Variants in RIMKLA observed in about 807,000 individuals in gnomAD.
The protein encoded by RIMKLA is N-acetylaspartylglutamate synthase A.
Under a neutral mutation model 32.7 loss-of-function variants are expected in RIMKLA, and 14 were observed. The observed-to-expected ratio is 0.43, with a 90% CI of 0.28 to 0.67. The LOEUF (loss-of-function observed/expected upper bound fraction) is 0.67. Among genes scored for constraint, RIMKLA ranks in the 30% least tolerant of loss-of-function variants. The pLI is 0.18. For missense variants in RIMKLA, 410 were observed against 519.0 expected (o/e 0.79, Z 2.04); for synonymous variants, 176 against 204.1 (o/e 0.86, Z 1.18).
At chr1:42,411,217 C>A (rs1227216152) in intron 4 of RIMKLA, among the ~76,000 whole-genome samples, 1 of 151,814 alleles carries the variant, frequency 6.6e-6, no homozygotes, top group Non-Finnish European at 1.5e-5. Flanking sequence ...CCTGTAGTCC[C>A]AGCTGAACTC....
At chr1:42,398,038 T>C (rs529372874) in intron 1 of RIMKLA, among the ~76,000 whole-genome samples, 5 of 152,148 alleles carry the variant, frequency 3.3e-5, no homozygotes, top group Middle Eastern at 3.4e-3. Context: ...CCTAAGGGAG[T>C]GGAAAAGTAT....
At chr1:42,407,278 G>A (rs908000788) in intron 3 of RIMKLA, among the ~76,000 whole-genome samples, 16 of 152,042 alleles carry the variant, frequency 1.1e-4, no homozygotes, top group African/African-American at 3.9e-4. Context: ...ATTCCCATAG[G>A]TTGTCTTTTC....
rs1049309311 is a variant in RIMKLA at position 42,419,727 on chromosome 1, A to G, written c.*4753A>G. On this transcript the variant is annotated 3_prime_UTR_variant, in exon 5 of 5. Coordinates refer to ENST00000431473, the MANE Select transcript of RIMKLA (RefSeq NM_173642.4). ...AGGTGAGAGCCCCAAAGGCATGTAT[A>G]TTTCCATGATGCAAGCTGGCTCATG... 1.3e-5 allele frequency: 2 copies of G among 152,200 alleles called. No individual in the cohort carries two copies. Among genetic ancestry groups the G allele is most frequent in the African/African-American group, 4.8e-5 (2 of 41,440 alleles). 9.4% of individuals were successfully genotyped at this position (152,200 alleles called of 1,614,324 possible).
At chr1:42,389,107 A>G (rs1241472560) in intron 1 of RIMKLA, among the ~76,000 whole-genome samples, 2 of 152,204 alleles carry the variant, frequency 1.3e-5, no homozygotes, top group African/African-American at 4.8e-5. Context: ...GAGGACTCCA[A>G]AGTTTTTGGC....
In RIMKLA at chr1:42,380,842, C is replaced by G. The variant is rs551219895; in HGVS notation, c.-93C>G. The G allele has an allele frequency of 1.2e-6, 1 of 810,178 alleles. No homozygotes were observed. The highest frequency in any genetic ancestry group is 1.6e-6 in the Non-Finnish European group (1 of 640,930). 50.2% of individuals were successfully genotyped at this position (810,178 alleles called of 1,614,324 possible). ...GAGCGGAGCCGTGGCGCGCTCGCCC[C>G]GGACGCCGGCCGCCCCTCCGCTCGC... On this transcript the variant is annotated 5_prime_UTR_variant, in exon 1 of 5. Transcript: ENST00000431473.
intron 2 of RIMKLA, among the ~76,000 whole-genome samples, chr1:42,404,250 A>G (rs1405229177): frequency 6.6e-6 from 1 of 152,208 alleles, no homozygotes; most frequent in East Asian, 1.9e-4. Flanking sequence ...AGGGAAAGGT[A>G]TCTACCTATA....
chr1:42,406,962 A>G (rs1360527529), intron 3 of RIMKLA, among the ~76,000 whole-genome samples: 2 of 151,938 alleles, frequency 1.3e-5, no homozygotes, highest in East Asian at 1.9e-4. Flanking sequence ...CTGGACTGCA[A>G]TGGTGCGATC....
In RIMKLA at chr1:42,387,212, GC is replaced by G. The variant is rs1466892037; in HGVS notation, c.163+6117del. Among the ~76,000 whole-genome samples the G allele has an allele frequency of 2.6e-5, 4 of 152,238 alleles. No homozygotes were observed. The East Asian group carries it at 7.7e-4, about 29-fold the overall frequency. ...GCCGAGATTGAGCCACTGCCCTCCA[GC>G]CTGGGTGATACAGTGAGACTGTTTA... On this transcript the variant is annotated intron_variant, in intron 1 of 4. Transcript: ENST00000431473.
intron 3 of RIMKLA, among the ~76,000 whole-genome samples, chr1:42,407,010 A>C (rs901948233): frequency 6.6e-6 from 1 of 151,384 alleles, no homozygotes; most frequent in African/African-American, 2.4e-5. Context: ...GGCTGAAACG[A>C]TCCTCCTGCC....
Position 42,402,670 on chromosome 1 carries a change from A to C in RIMKLA, c.395-1841A>C, listed in dbSNP as rs1266271170. On this transcript the variant is annotated intron_variant, in intron 2 of 4. Coordinates refer to ENST00000431473, the MANE Select transcript of RIMKLA (RefSeq NM_173642.4). ...CAGTGGCATGATTGTGGCTCACTGC[A>C]GCCTCGACCTCCTGGGCTCAACTGA... Among the ~76,000 whole-genome samples, 6 of 150,184 alleles carry C rather than the reference A, an allele frequency of 4.0e-5. No homozygotes were observed. In the South Asian group the frequency reaches 1.3e-3, roughly 31 times the overall value.
rs1643289220 is a variant in RIMKLA at position 42,420,795 on chromosome 1, G to A, written c.*5821G>A. 6.6e-6 allele frequency: 1 copy of A among 152,304 alleles called. No individual in the cohort carries two copies. Among genetic ancestry groups the A allele is most frequent in the African/African-American group, 2.4e-5 (1 of 41,454 alleles). 9.4% of individuals were successfully genotyped at this position (152,304 alleles called of 1,614,324 possible). On this transcript the variant is annotated 3_prime_UTR_variant, in exon 5 of 5. Coordinates refer to ENST00000431473, the MANE Select transcript of RIMKLA (RefSeq NM_173642.4). Reference sequence around the variant, plus strand: ...ATGGTACTAGTCTGAGTCAGATCCAGTTCAAATCCAGGTAACTTAAAGCTT... The same window carrying A: ...ATGGTACTAGTCTGAGTCAGATCCAATTCAAATCCAGGTAACTTAAAGCTT...
At position 42,404,554 on chromosome 1, in the gene RIMKLA, C is replaced by G; in HGVS notation, c.438C>G (p.Pro146=). 1 of 1,613,774 alleles carries G rather than the reference C, an allele frequency of 6.2e-7. No individual in the cohort carries two copies. ...CAAAAATGATTGATGAAGCTGAGCC[C>G]CTGGGCTACCCAGTCGTGGTGAAGA... ...DFSKMIDEAE[P]LGYPVVVKST... is the part of the protein sequence containing the mutation. Residue 146 remains proline (P), a synonymous_variant, in exon 3 of 5, where the codon CCC becomes CCG. Transcript: ENST00000431473.
At chr1:42,401,780 A>ATG (rs1643099134) in intron 2 of RIMKLA, among the ~76,000 whole-genome samples, 1 of 152,218 alleles carries the variant, frequency 6.6e-6, no homozygotes, top group East Asian at 1.9e-4. Context: ...TAGTTAAGGG[A>ATG]TGATGCAGGG....
At chr1:42,401,945 G>C (rs1249974808) in intron 2 of RIMKLA, among the ~76,000 whole-genome samples, 4 of 152,184 alleles carry the variant, frequency 2.6e-5, no homozygotes, top group African/African-American at 9.7e-5. Flanking sequence ...CAGTGGGCCA[G>C]GGATGGATTA....
intron 1 of RIMKLA, among the ~76,000 whole-genome samples, chr1:42,389,692 T>C (rs1642984017): frequency 6.6e-6 from 1 of 151,894 alleles, no homozygotes; most frequent in Admixed American, 6.6e-5. Flanking sequence ...TGCGCGCCCA[T>C]AATCCCAGCT....
In RIMKLA at chr1:42,380,947, C is replaced by G. The variant is rs1642881405; in HGVS notation, c.13C>G (p.Leu5Val). The G allele has an allele frequency of 6.9e-7, 1 of 1,442,934 alleles. No individual in the cohort carries two copies. The highest frequency in any genetic ancestry group is 1.5e-5 in the African/African-American group (1 of 67,864). 89.4% of individuals were successfully genotyped at this position (1,442,934 alleles called of 1,614,324 possible). A position where few individuals can be genotyped will look rare whatever the true frequency, so the allele number is the denominator to read the frequency against. Residue 5 changes from leucine (L) to valine (V), a missense_variant, in exon 1 of 5, where the codon CTC becomes GTC. By Grantham distance (32) the Leu-to-Val change is conservative (BLOSUM62 1). Coordinates refer to ENST00000431473, the MANE Select transcript of RIMKLA (RefSeq NM_173642.4). The part of the protein sequence containing the change: MCSQ[L>V]WFLTDRRIRE... ...CGCCCTGGCCGCCATGTGCTCCCAG[C>G]TCTGGTTCCTGACGGACCGGCGCAT...
At chr1:42,403,368 A>AAGTACACTAGTTTGGTGCCATTGAAT (rs1370186945) in intron 2 of RIMKLA, among the ~76,000 whole-genome samples, 2 of 152,174 alleles carry the variant, frequency 1.3e-5, no homozygotes, top group Admixed American at 6.5e-5. Context: ...CCAAACTAGA[A>AAGTACACTAGTTTGGTGCCATTGAAT]AGTACACTAG....
At chr1:42,390,623 T>C (rs1238782529) in intron 1 of RIMKLA, among the ~76,000 whole-genome samples, 7 of 152,182 alleles carry the variant, frequency 4.6e-5, no homozygotes, top group Non-Finnish European at 1.0e-4. Context: ...GAAGGTCTTT[T>C]CTGATTGCTT....
chr1:42,416,877 A>G lies in RIMKLA; in HGVS notation c.*1903A>G, dbSNP rs1195422989. Reference sequence around the variant, plus strand: ...ATGTAATGGAGATGTCACACTACACAGTTGTAGTTTAAATGCAGTCCAACA... The same window carrying G: ...ATGTAATGGAGATGTCACACTACACGGTTGTAGTTTAAATGCAGTCCAACA... On this transcript the variant is annotated 3_prime_UTR_variant, in exon 5 of 5. Coordinates refer to ENST00000431473, the MANE Select transcript of RIMKLA (RefSeq NM_173642.4). 1 of 152,254 alleles carries G rather than the reference A, an allele frequency of 6.6e-6. No individual in the cohort carries two copies. The highest frequency in any genetic ancestry group is 1.5e-5 in the Non-Finnish European group (1 of 68,044). The allele number at this position is 152,254 out of a possible 1,614,324, so 9.4% of individuals were successfully genotyped here.
Sources: allele counts gnomAD v4.1 joint callset (sites outside exome capture counted in the v4.1 genomes callset), GRCh38; gene constraint gnomAD v4.1.1; transcripts MANE v1.5; gene names NCBI Gene and HGNC (gene_info 2026-07-23, HGNC 2026-07-21).